Variants in DNHD1 observed in about 807,000 individuals in gnomAD.
DNHD1 encodes dynein heavy chain domain 1.
DNHD1 carries 383 observed loss-of-function variants against 458.1 expected under a neutral mutation model. The ratio of observed to expected loss-of-function variants is 0.84; its 90% CI spans 0.77 to 0.91. DNHD1 has a LOEUF of 0.91. Ranked by LOEUF, DNHD1 falls within the 40% of genes least tolerant of loss-of-function variation. DNHD1 has a pLI of 0.00. For synonymous variants in DNHD1, 2,203 were observed against 2,376.9 expected, an observed-to-expected ratio of 0.93 and a Z score of 2.13; for missense variants, 5,336 against 5,866.1, an observed-to-expected ratio of 0.91 and a Z score of 2.95.
At chr11:6,549,946 T>C (rs1049515682) in intron 24 of DNHD1, among the ~76,000 whole-genome samples, 5 of 152,092 alleles carry the variant, frequency 3.3e-5, no homozygotes, top group Admixed American at 1.3e-4. Flanking sequence ...GGCCATGGGA[T>C]TGGGAAGTGA....
At chr11:6,554,781 A>G (rs927162130) in intron 24 of DNHD1, among the ~76,000 whole-genome samples, 8 of 152,248 alleles carry the variant, frequency 5.3e-5, no homozygotes, top group Non-Finnish European at 1.2e-4. Flanking sequence ...AGAGCAACTG[A>G]AACTCTCTCA....
In DNHD1 at chr11:6,559,234, A is replaced by G; in HGVS notation, c.9470A>G (p.His3157Arg). 6.4e-7 allele frequency: 1 copy of G among 1,551,736 alleles called. No individual in the cohort carries two copies. The change falls in exon 28 of 43, where the codon CAT (histidine) becomes CGT (arginine). Residue 3157 changes from histidine (H) to arginine (R), a missense_variant. Physicochemically the swap from His to Arg is conservative, Grantham distance 29. This residue lies in a region of DNHD1 where 3,932 missense variants were observed against 4,365.6 expected (regional missense o/e 0.90). Transcript: ENST00000254579. The stretch of plus-strand genomic sequence containing the variant: ...ATGCTGATTAAGGAGCACGGTACCC[A>G]TGCCAATCTGATCTTTGACTTGGAA... ...LRMLIKEHGTHANLIFDLEQQ... is the reference protein window; with the variant it reads ...LRMLIKEHGTRANLIFDLEQQ...
At position 6,566,968 on chromosome 11, in the gene DNHD1, T is replaced by C. The variant is rs1853715817; in HGVS notation, c.11459T>C (p.Val3820Ala). The C allele has an allele frequency of 6.2e-7, 1 of 1,613,914 alleles. No individual in the cohort carries two copies. ...QKPAKFLRNI[V>A]RAQGKLCQLR... Reference sequence around the variant, plus strand: ...CCAGCCAAGTTTCTGCGGAACATAGTGAGGGCCCAAGGAAAGCTATGCCAG... The same window carrying C: ...CCAGCCAAGTTTCTGCGGAACATAGCGAGGGCCCAAGGAAAGCTATGCCAG... The change falls in exon 36 of 43, where the codon GTG becomes GCG. Residue 3820 changes from valine to alanine, a missense_variant. This residue lies in a region of DNHD1 where 695 missense variants were observed against 804.2 expected (regional missense o/e 0.86). Coordinates refer to ENST00000254579, the MANE Select transcript of DNHD1 (RefSeq NM_144666.3).
rs1422055452 is a variant in DNHD1, at chr11:6,570,779, G to T, written c.13267G>T (p.Val4423Leu). Residue 4423 changes from valine (V) to leucine (L), a missense_variant, in exon 42 of 43, where the codon GTG becomes TTG. By Grantham distance (32) the Val-to-Leu change is conservative. Around this residue, in one of 4 missense-constraint regions of DNHD1, gnomAD observed 698 missense variants for 664.9 expected, o/e 1.05. Coordinates refer to ENST00000254579, the MANE Select transcript of DNHD1 (RefSeq NM_144666.3). ...LLSALQRSSP[V>L]WVPESRRGAQ... ...GAGTGCGCTGCAGCGGAGTTCACCCGTGTGGGTTCCTGAGTCTCGAAGAGG... is the reference window on the plus strand; with the variant it reads ...GAGTGCGCTGCAGCGGAGTTCACCCTTGTGGGTTCCTGAGTCTCGAAGAGG... 1.2e-6 allele frequency: 2 copies of T among 1,613,176 alleles called. No homozygotes were observed. The highest frequency in any genetic ancestry group is 1.7e-6 in the Non-Finnish European group (2 of 1,179,618).
chr11:6,567,977 A>C (rs1853747178), intron 36 of DNHD1, 79 bp from the exon 37 acceptor site: 1 of 1,481,286 alleles, frequency 6.8e-7, no homozygotes, highest in African/African-American at 1.4e-5. Flanking sequence ...TTTGGGGATC[A>C]TGGTAGCATT....
At position 6,567,863 on chromosome 11, in the gene DNHD1, T is replaced by A; in HGVS notation, c.12351+3T>A. The A allele has an allele frequency of 6.2e-7, 1 of 1,607,648 alleles. No individual in the cohort carries two copies. The highest frequency in any genetic ancestry group is 8.5e-7 in the Non-Finnish European group (1 of 1,177,646). On this transcript the variant is annotated splice_donor_region_variant and intron_variant, in intron 36 of 42. Coordinates refer to ENST00000254579, the MANE Select transcript of DNHD1 (RefSeq NM_144666.3). The stretch of plus-strand genomic sequence containing the variant: ...AACTGGCTGCCAAGTATCAGCAGGT[T>A]TGAACCTAGTTTCTTGGCCACAGAG...
chr11:6,517,287 C>G (rs1222662789), intron 7 of DNHD1, among the ~76,000 whole-genome samples: 9 of 152,174 alleles, frequency 5.9e-5, no homozygotes, highest in Non-Finnish European at 1.0e-4. Context: ...ATTAGATTCC[C>G]AGAACTTGTT....
At position 6,511,390 on chromosome 11, in the gene DNHD1, C is replaced by A. The variant is rs1163686432; in HGVS notation, c.1353C>A (p.Leu451=). ...AEEKHKALRL[L]HRCLNLCTSI... ...AGAAGCATAAGGCTCTACGGCTGCT[C>A]CATCGTTGCCTAAACCTCTGCACAT... is the stretch of plus-strand genomic sequence containing the variant. The change falls in exon 7 of 43, where the codon CTC becomes CTA. Residue 451 remains leucine, a synonymous_variant. Coordinates refer to ENST00000254579, the MANE Select transcript of DNHD1 (RefSeq NM_144666.3). The A allele has an allele frequency of 6.2e-7, 1 of 1,614,206 alleles. No individual in the cohort carries two copies. The highest frequency in any genetic ancestry group is 1.7e-5 in the Admixed American group (1 of 60,028).
chr11:6,564,577 T>A lies in DNHD1; in HGVS notation c.10529T>A (p.Ile3510Asn). Reference protein sequence around the residue: ...PLLATHSPFSILSLLSSESEQ... With the variant: ...PLLATHSPFSNLSLLSSESEQ... ...CTGGCTACACACTCTCCCTTCAGTA[T>A]TCTGTCCTTGCTGAGCTCTGAATCG... Residue 3510 changes from isoleucine to asparagine, a missense_variant, in exon 32 of 43, where the codon ATT (isoleucine) becomes AAT (asparagine). This residue lies in a region of DNHD1 where 3,932 missense variants were observed against 4,365.6 expected (regional missense o/e 0.90). Coordinates refer to ENST00000254579, the MANE Select transcript of DNHD1 (RefSeq NM_144666.3). 1 of 1,551,752 alleles carries A rather than the reference T, an allele frequency of 6.4e-7. No homozygotes were observed. The highest frequency in any genetic ancestry group is 2.4e-5 in the East Asian group (1 of 40,916).
At chr11:6,534,372 G>C in intron 14 of DNHD1, 199 bp downstream of exon 14, 1 of 619,258 alleles carries the variant, frequency 1.6e-6, no homozygotes, top group Non-Finnish European at 2.7e-6. Context: ...TTGTGCTTAG[G>C]GTGGGGGTAT....
intron 14 of DNHD1, among the ~76,000 whole-genome samples, chr11:6,536,240 G>A (rs146898997): frequency 8.5e-4 from 130 of 152,228 alleles, no homozygotes; most frequent in African/African-American, 2.9e-3. Context: ...TAAGAGACAT[G>A]ACAAATGCAG....
At chr11:6,513,849 CT>C (rs112302710) in intron 7 of DNHD1, among the ~76,000 whole-genome samples, 264 of 145,742 alleles carry the variant, frequency 1.8e-3, no homozygotes, top group Middle Eastern at 3.6e-3. Context: ...GCCTTTCATT[CT>C]TTTTTTTTTT....
intron 14 of DNHD1, among the ~76,000 whole-genome samples, chr11:6,535,144 C>T (rs1852918238): frequency 6.6e-6 from 1 of 152,168 alleles, no homozygotes. Context: ...TATTCTTTTT[C>T]TCTGAGTTCT....
In DNHD1 at chr11:6,563,080, G is replaced by A. The variant is rs939101044; in HGVS notation, c.9618G>A (p.Leu3206=). The A allele has an allele frequency of 1.3e-6, 2 of 1,551,650 alleles. No homozygotes were observed. Among genetic ancestry groups the A allele is most frequent in the African/African-American group, 1.4e-5 (1 of 73,150 alleles). ...ATCAAGAGAACCTCATTGAGAACCT[G>A]GCCAGGCAACGGGATGCCCTGCAAG... ...CRHQENLIEN[L]ARQRDALQAQ... Residue 3206 remains leucine, a synonymous_variant, in exon 29 of 43, where the codon CTG becomes CTA. Coordinates refer to ENST00000254579, the MANE Select transcript of DNHD1 (RefSeq NM_144666.3).
At chr11:6,568,639 G>T in intron 38 of DNHD1, 26 bp from the exon 39 acceptor site, 1 of 1,613,908 alleles carries the variant, frequency 6.2e-7, no homozygotes. Flanking sequence ...GTGCTGTGCT[G>T]ACTCAGCACT....
intron 10 of DNHD1, among the ~76,000 whole-genome samples, chr11:6,525,684 A>G (rs1220268287): frequency 1.3e-5 from 2 of 152,156 alleles, no homozygotes; most frequent in Non-Finnish European, 1.5e-5. Context: ...GTTGATAACA[A>G]TTTGTACCTT....
rs1432798059 is a variant in DNHD1 at position 6,519,717 on chromosome 11, G to T, written c.1510G>T (p.Glu504Ter). 2 of 1,614,194 alleles carry T rather than the reference G, an allele frequency of 1.2e-6. No homozygotes were observed. The highest frequency in any genetic ancestry group is 3.3e-5 in the Admixed American group (2 of 60,024). The change falls in exon 8 of 43, where the codon GAG becomes TAG. Residue 504 changes from glutamate to a stop codon, truncating the protein, a stop_gained. Transcript: ENST00000254579. LOFTEE classifies it high-confidence loss of function. ...YLQRVQHKQL[E>*]QKLKQAEAWW... is the part of the protein sequence containing the mutation. The stretch of plus-strand genomic sequence containing the variant: ...TCAGAGGGTACAGCACAAGCAACTG[G>T]AGCAGAAGCTGAAGCAAGCAGAGGC...
At chr11:6,566,110 A>G in intron 33 of DNHD1, 119 bp downstream of exon 33, 1 of 1,478,240 alleles carries the variant, frequency 6.8e-7, no homozygotes, top group East Asian at 2.5e-5. Context: ...GGCACTAACT[A>G]TATTGAAGCG....
chr11:6,549,074 A>G, intron 24 of DNHD1, 141 bp downstream of exon 24: 1 of 938,446 alleles, frequency 1.1e-6, no homozygotes, highest in Non-Finnish European at 1.6e-6. Flanking sequence ...CTCATTCTAC[A>G]TATGCTCCCT....
Sources: allele counts gnomAD v4.1 joint callset (sites outside exome capture counted in the v4.1 genomes callset), GRCh38; gene constraint gnomAD v4.1.1; regional missense constraint gnomAD v4.1.1; transcripts MANE v1.5; gene names NCBI Gene and HGNC (gene_info 2026-07-23, HGNC 2026-07-21).